Variants in EXD3 observed in about 807,000 individuals in gnomAD.
The protein encoded by EXD3 is exonuclease 3'-5' domain containing 3.
EXD3 carries 92 observed loss-of-function variants against 98.0 expected under a neutral mutation model. The ratio of observed to expected loss-of-function variants is 0.94; its 90% CI spans 0.79 to 1.12. The LOEUF is 1.12. Ranked by LOEUF, EXD3 falls within the 50% of genes most tolerant of loss-of-function variation. EXD3 has a pLI of 0.00. For synonymous variants in EXD3, 569 were observed against 526.0 expected, an observed-to-expected ratio of 1.08 and a Z score of -1.12; for missense variants, 1,222 against 1,191.6, an observed-to-expected ratio of 1.03 and a Z score of -0.38.
In EXD3 at chr9:137,386,484, G is replaced by A. The variant is rs114605272; in HGVS notation, c.56-3107C>T. Among the ~76,000 whole-genome samples the A allele has an allele frequency of 2.1e-3, 313 of 152,064 alleles. 1 individual carries two copies. The highest frequency in any genetic ancestry group is 7.3e-3 in the African/African-American group (301 of 41,490). Reference sequence around the variant, plus strand: ...TGGGCAGGGTCTGCCCCCTCCCACCGACCTGGGCCACTCCAGATTCCCAGG... The same window carrying A: ...TGGGCAGGGTCTGCCCCCTCCCACCAACCTGGGCCACTCCAGATTCCCAGG... On this transcript the variant is annotated intron_variant, in intron 2 of 21. Coordinates refer to ENST00000340951, the MANE Select transcript of EXD3 (RefSeq NM_017820.5).
At chr9:137,380,692 G>T in intron 3 of EXD3, among the ~76,000 whole-genome samples, 1 of 55,028 alleles carries the variant, frequency 1.8e-5, no homozygotes. Context: ...TCCCCCCGCC[G>T]GTATCCCCCT....
At chr9:137,339,864 C>T (rs1028201620) in intron 17 of EXD3, among the ~76,000 whole-genome samples, 19 of 152,178 alleles carry the variant, frequency 1.2e-4, no homozygotes, top group Non-Finnish European at 2.2e-4. Flanking sequence ...CATTTCTATT[C>T]GACACTGTCT....
At chr9:137,379,493 C>T (rs1470654211) in intron 3 of EXD3, among the ~76,000 whole-genome samples, 38 of 134,080 alleles carry the variant, frequency 2.8e-4, no homozygotes, top group South Asian at 5.0e-4. Flanking sequence ...TTGCGGGTGA[C>T]GGTGACCGTT....
At chr9:137,378,708 C>A (rs1448639318) in intron 3 of EXD3, among the ~76,000 whole-genome samples, 1 of 152,218 alleles carries the variant, frequency 6.6e-6, no homozygotes, top group Non-Finnish European at 1.5e-5. Context: ...CATAGACAAG[C>A]CTTGATATCG....
rs1040873574 is a variant in EXD3, at chr9:137,353,919, C to T, written c.870+420G>A. Reference sequence around the variant, plus strand: ...TGGACGACAATACGTGGAAGCCGCCCGCATTCTTCAGGACGTCCGCTGCCC... The same window carrying T: ...TGGACGACAATACGTGGAAGCCGCCTGCATTCTTCAGGACGTCCGCTGCCC... On this transcript the variant is annotated intron_variant, in intron 10 of 21. Coordinates refer to ENST00000340951, the MANE Select transcript of EXD3 (RefSeq NM_017820.5). The T allele has an allele frequency of 2.6e-5, 26 of 1,010,406 alleles. No individual in the cohort carries two copies. In the East Asian group the frequency reaches 2.8e-4, roughly 11 times the overall value. 62.6% of individuals were successfully genotyped at this position (1,010,406 alleles called of 1,614,324 possible). A position where few individuals can be genotyped will look rare whatever the true frequency, so the allele number is the denominator to read the frequency against.
At chr9:137,330,484 A>C (rs1168987376) in intron 17 of EXD3, among the ~76,000 whole-genome samples, 2 of 143,176 alleles carry the variant, frequency 1.4e-5, no homozygotes, top group Non-Finnish European at 3.0e-5. Context: ...GGAGCTACAC[A>C]GGAGCTACAC....
intron 17 of EXD3, among the ~76,000 whole-genome samples, chr9:137,343,789 C>T (rs535561826): frequency 5.8e-4 from 87 of 150,746 alleles, no homozygotes; most frequent in Admixed American, 2.7e-3. Context: ...GGGGTTTCCC[C>T]GTGTTAGCCA....
At chr9:137,417,926 C>T (rs1838314981) in intron 1 of EXD3, among the ~76,000 whole-genome samples, 1 of 152,052 alleles carries the variant, frequency 6.6e-6, no homozygotes, top group South Asian at 2.1e-4. Context: ...AGGGGGTGAG[C>T]TGCAAGGACT....
At chr9:137,398,905 A>T (rs1367569739) in intron 1 of EXD3, among the ~76,000 whole-genome samples, 1 of 151,184 alleles carries the variant, frequency 6.6e-6, no homozygotes, top group South Asian at 2.1e-4. Context: ...TCCCCAAGAC[A>T]CACAGGCAAC....
At chr9:137,319,368 C>G in intron 19 of EXD3, among the ~76,000 whole-genome samples, 1 of 152,234 alleles carries the variant, frequency 6.6e-6, no homozygotes. Flanking sequence ...GTGCCTACCT[C>G]TTTGGCCCTG....
In EXD3 at chr9:137,307,175, C is replaced by T. The variant is rs1054565277; in HGVS notation, c.2406G>A (p.Pro802=). Residue 802 remains proline, a synonymous_variant, in exon 22 of 22, where the codon CCG becomes CCA. Transcript: ENST00000340951. ...LQMADLRAET[P]DMLADGTRLQ... is the part of the protein sequence containing the mutation. ...GCCGGGTGCCGTCGGCCAGCATGTC[C>T]GGTGTCTCCGCCCGCAGGTCAGCCA... 1.1e-5 allele frequency: 17 copies of T among 1,586,632 alleles called. No homozygotes were observed. In the Admixed American group the frequency reaches 1.3e-4, roughly 12 times the overall value.
chr9:137,386,574 G>A (rs1423854302), intron 2 of EXD3, among the ~76,000 whole-genome samples: 2 of 152,198 alleles, frequency 1.3e-5, no homozygotes, highest in Admixed American at 6.5e-5. Flanking sequence ...CACAGCCCTA[G>A]CATCCTACAG....
At chr9:137,364,361 C>G (rs1024578359) in intron 7 of EXD3, among the ~76,000 whole-genome samples, 2 of 152,024 alleles carry the variant, frequency 1.3e-5, no homozygotes, top group Non-Finnish European at 2.9e-5. Context: ...GTGGCTCATG[C>G]CTGTAATCCC....
intron 17 of EXD3, among the ~76,000 whole-genome samples, chr9:137,338,456 G>T (rs1328665748): frequency 6.6e-6 from 1 of 151,982 alleles, no homozygotes; most frequent in Non-Finnish European, 1.5e-5. Flanking sequence ...AAATTAAAGA[G>T]CTAAGCAACG....
intron 5 of EXD3, 113 bp from the exon 6 acceptor site, chr9:137,368,102 G>T: frequency 1.2e-6 from 1 of 857,590 alleles, no homozygotes; most frequent in Non-Finnish European, 1.8e-6. Context: ...AGGCCGGAGT[G>T]CAGGGCCTTC....
intron 1 of EXD3, among the ~76,000 whole-genome samples, chr9:137,413,084 A>G (rs1457612349): frequency 6.6e-6 from 1 of 152,074 alleles, no homozygotes; most frequent in East Asian, 1.9e-4. Flanking sequence ...ACCCAGCCTC[A>G]GTAACTGCTC....
chr9:137,307,132 G>C lies in EXD3; in HGVS notation c.2449C>G (p.Pro817Ala), dbSNP rs542445427. ...CCAGGTGTCCTCAGCACACCCACCGGGACCCCTGCCAGCTGCAGCCGGGTG... is the reference window on the plus strand; with the variant it reads ...CCAGGTGTCCTCAGCACACCCACCGCGACCCCTGCCAGCTGCAGCCGGGTG... ...DGTRLQLAGVPVGVLRTPGLR... is the reference protein window; with the variant it reads ...DGTRLQLAGVAVGVLRTPGLR... Residue 817 changes from proline to alanine, a missense_variant, in exon 22 of 22, where the codon CCG (proline) becomes GCG (alanine). Physicochemically the swap from Pro to Ala is conservative, Grantham distance 27. Coordinates refer to ENST00000340951, the MANE Select transcript of EXD3 (RefSeq NM_017820.5). 1 of 1,601,554 alleles carries C rather than the reference G, an allele frequency of 6.2e-7. No individual in the cohort carries two copies. The highest frequency in any genetic ancestry group is 2.3e-5 in the East Asian group (1 of 44,256).
chr9:137,320,151 C>A (rs1232715754), intron 19 of EXD3, among the ~76,000 whole-genome samples: 1 of 152,216 alleles, frequency 6.6e-6, no homozygotes, highest in African/African-American at 2.4e-5. Flanking sequence ...GATGTGCACA[C>A]AGAGACGCAT....
At chr9:137,418,413 A>G (rs1312485913) in intron 1 of EXD3, among the ~76,000 whole-genome samples, 1 of 152,228 alleles carries the variant, frequency 6.6e-6, no homozygotes, top group African/African-American at 2.4e-5. Flanking sequence ...TGAAACATTA[A>G]TTACTAAGCG....
Sources: gnomAD v4.1 joint callset for allele counts (sites outside exome capture counted in the v4.1 genomes callset) on GRCh38, gnomAD v4.1.1 for gene constraint, MANE v1.5 for transcripts, NCBI Gene and HGNC (gene_info 2026-07-23, HGNC 2026-07-21) for gene names.